The following ATP1A4 variants were observed in gnomAD, a reference collection of about 807,000 sequenced individuals.
The protein encoded by ATP1A4 is sodium/potassium-transporting ATPase subunit alpha-4.
A neutral mutation model predicts 114.3 loss-of-function variants in ATP1A4; 90 were observed. The observed-to-expected ratio is 0.79, with a 90% CI of 0.66 to 0.94. The LOEUF (loss-of-function observed/expected upper bound fraction) is 0.94, where lower values mean the gene tolerates loss of function less well. Ranked by LOEUF, ATP1A4 falls within the 40% of genes least tolerant of loss-of-function variation. The pLI, the probability that ATP1A4 is intolerant of heterozygous loss-of-function variation, is 0.00. For synonymous variants in ATP1A4, 511 were observed against 494.1 expected (o/e 1.03, Z -0.45); for missense variants, 1,222 against 1,313.6 (o/e 0.93, Z 1.08).
chr1:160,184,592 A>G (rs1653818014), intron 20 of ATP1A4, among the ~76,000 whole-genome samples: 1 of 152,166 alleles, frequency 6.6e-6, no homozygotes, highest in Non-Finnish European at 1.5e-5. Context: ...GTTTATATTG[A>G]TTACATATTT....
chr1:160,155,304 CTT>C (rs1296927499), intron 3 of ATP1A4, 56 bp downstream of exon 3: 1 of 1,489,386 alleles, frequency 6.7e-7, no homozygotes, highest in African/African-American at 1.4e-5. Flanking sequence ...CCCAGACACT[CTT>C]TTGCTCAGCA....
At chr1:160,155,325 C>A in intron 3 of ATP1A4, 77 bp downstream of exon 3, 1 of 1,176,188 alleles carries the variant, frequency 8.5e-7, no homozygotes, top group Non-Finnish European at 1.2e-6. Flanking sequence ...CAGCCTAGCA[C>A]TCCTGAAGTC....
intron 18 of ATP1A4, among the ~76,000 whole-genome samples, chr1:160,180,365 G>A (rs968023897): frequency 5.3e-5 from 8 of 151,588 alleles, no homozygotes; most frequent in African/African-American, 1.9e-4. Context: ...GGATCTACGA[G>A]TTGTTGATAA....
intron 10 of ATP1A4, among the ~76,000 whole-genome samples, chr1:160,167,875 G>A (rs1368157371): frequency 6.6e-6 from 1 of 152,236 alleles, no homozygotes; most frequent in Non-Finnish European, 1.5e-5. Flanking sequence ...TCTAGTGACT[G>A]CCAGCGGGTA....
chr1:160,169,623 C>T (rs1169992043), intron 10 of ATP1A4: 1 of 152,262 alleles, frequency 6.6e-6, no homozygotes, highest in African/African-American at 2.4e-5. Flanking sequence ...AGTCCGGCCT[C>T]CTCTGCACTC....
rs747524571 is a variant in ATP1A4, at chr1:160,152,109, A to AG, written c.72dup (p.Leu25AlafsTer27). ...AGAGTCCAAGACGAAGACCTAAAAAAGGGCTTATCAAGAAAAAAATGGTGA... is the reference window on the plus strand; with the variant it reads ...AGAGTCCAAGACGAAGACCTAAAAAAGGGGCTTATCAAGAAAAAAATGGTGA... On this transcript the variant is annotated frameshift_variant, in exon 1 of 22. Transcript: ENST00000368081. LOFTEE classifies it high-confidence loss of function. The AG allele has an allele frequency of 6.2e-7, 1 of 1,613,742 alleles. No homozygotes were observed. The highest frequency in any genetic ancestry group is 8.5e-7 in the Non-Finnish European group (1 of 1,179,890).
chr1:160,156,052 T>G lies in ATP1A4; in HGVS notation c.419T>G (p.Leu140Arg), dbSNP rs750201323. Residue 140 changes from leucine (L) to arginine (R), a missense_variant, in exon 4 of 22, where the codon CTG (leucine) becomes CGG (arginine). Transcript: ENST00000368081. ...NEEPTKDNLY[L>R]SIVLSVVVIV... ...TTCTTTCCCCACCCTCAGCTCTACC[T>G]GAGCATCGTACTGTCCGTCGTGGTC... 1.9e-6 allele frequency: 3 copies of G among 1,609,966 alleles called. No homozygotes were observed. Among genetic ancestry groups the G allele is most frequent in the Non-Finnish European group, 2.6e-6 (3 of 1,176,196 alleles).
chr1:160,165,586 C>T lies in ATP1A4; in HGVS notation c.1048-942C>T, dbSNP rs139460642. The stretch of plus-strand genomic sequence containing the variant: ...CGTTCTGGCTAACACGGTGAAACCC[C>T]GTCTCTACTAAAAATACAAAAAAAA... On this transcript the variant is annotated intron_variant, in intron 7 of 21. Transcript: ENST00000368081. 3.6e-3 allele frequency among the ~76,000 whole-genome samples: 550 copies of T among 151,920 alleles called. 11 individuals carry two copies. The East Asian group carries it at 0.041, about 11-fold the overall frequency.
At chr1:160,179,091 C>T (rs1263275695) in intron 18 of ATP1A4, among the ~76,000 whole-genome samples, 1 of 152,212 alleles carries the variant, frequency 6.6e-6, no homozygotes, top group African/African-American at 2.4e-5. Context: ...CCAGCACTTT[C>T]CCACTTCACC....
At chr1:160,156,396 GAGGA>G (rs1652667025) in intron 4 of ATP1A4, among the ~76,000 whole-genome samples, 1 of 149,666 alleles carries the variant, frequency 6.7e-6, no homozygotes. Flanking sequence ...TGAATCTAAA[GAGGA>G]AACACCATAC....
intron 4 of ATP1A4, among the ~76,000 whole-genome samples, chr1:160,157,009 TAGG>T (rs1242596505): frequency 6.6e-6 from 1 of 151,966 alleles, no homozygotes; most frequent in Non-Finnish European, 1.5e-5. Context: ...GAGGCTGAGG[TAGG>T]AGGATTGCTT....
chr1:160,176,583 C>T lies in ATP1A4; in HGVS notation c.2571C>T (p.Gly857=). Residue 857 remains glycine (G), a synonymous_variant, in exon 17 of 22, where the codon GGC becomes GGT. Transcript: ENST00000368081. ...TDNLVNHRLI[G]MAYGQIGMIQ... Reference sequence around the variant, plus strand: ...ATCTGGTGAACCACCGTCTCATTGGCATGGCCTATGGACAGATTGGTGCGC... The same window carrying T: ...ATCTGGTGAACCACCGTCTCATTGGTATGGCCTATGGACAGATTGGTGCGC... The T allele has an allele frequency of 6.2e-7, 1 of 1,614,148 alleles. No homozygotes were observed. The highest frequency in any genetic ancestry group is 8.5e-7 in the Non-Finnish European group (1 of 1,180,040).
chr1:160,166,898 G>C, intron 8 of ATP1A4, 70 bp from the exon 9 acceptor site: 1 of 1,542,032 alleles, frequency 6.5e-7, no homozygotes. Flanking sequence ...GGGTGCCAAA[G>C]AGGATGTGAA....
intron 5 of ATP1A4, 123 bp from the exon 6 acceptor site, chr1:160,159,286 A>C: frequency 7.4e-7 from 1 of 1,355,506 alleles, no homozygotes; most frequent in Non-Finnish European, 1.0e-6. Flanking sequence ...CAGATGTGTA[A>C]ATTTGTTTCT....
chr1:160,155,108 C>A lies in ATP1A4; in HGVS notation c.271C>A (p.Pro91Thr), dbSNP rs763336663. ...AGGTGGACCCAATACTGTTACCCCACCCCCCACCACTCCAGAATGGGTCAA... is the reference window on the plus strand; with the variant it reads ...AGGTGGACCCAATACTGTTACCCCAACCCCCACCACTCCAGAATGGGTCAA... ...TRGGPNTVTP[P>T]PTTPEWVKFC... Residue 91 changes from proline to threonine, a missense_variant, in exon 3 of 22, where the codon CCC (proline) becomes ACC (threonine). Transcript: ENST00000368081. The A allele has an allele frequency of 7.1e-5, 115 of 1,608,494 alleles. 1 individual carries two copies. The highest frequency in any genetic ancestry group is 9.4e-5 in the Non-Finnish European group (111 of 1,175,968).
At chr1:160,156,244 C>A in intron 4 of ATP1A4, 86 bp downstream of exon 4, 2 of 939,360 alleles carry the variant, frequency 2.1e-6, no homozygotes, top group Non-Finnish European at 3.5e-6. Context: ...AAAATTATAT[C>A]CTATGATAAG....
At chr1:160,154,712 T>G (rs1452449522) in intron 2 of ATP1A4, among the ~76,000 whole-genome samples, 1 of 152,198 alleles carries the variant, frequency 6.6e-6, no homozygotes, top group African/African-American at 2.4e-5. Flanking sequence ...TGTATGTATT[T>G]ATCTCCCCAC....
intron 18 of ATP1A4, among the ~76,000 whole-genome samples, chr1:160,179,041 T>G (rs1653589186): frequency 6.6e-6 from 1 of 152,228 alleles, no homozygotes; most frequent in African/African-American, 2.4e-5. Context: ...AGTGAATCCC[T>G]AAAAGAGCTG....
intron 20 of ATP1A4, among the ~76,000 whole-genome samples, chr1:160,185,395 G>A (rs896453813): frequency 1.3e-5 from 2 of 152,020 alleles, no homozygotes; most frequent in African/African-American, 4.8e-5. Flanking sequence ...ACAAGTGTGA[G>A]CCATCATGCC....
Sources: allele counts gnomAD v4.1 joint callset (sites outside exome capture counted in the v4.1 genomes callset), GRCh38; gene constraint gnomAD v4.1.1; transcripts MANE v1.5; gene names NCBI Gene and HGNC (gene_info 2026-07-23, HGNC 2026-07-21).